RTN4IP1: variants seen among roughly 807,000 people sequenced by gnomAD.
RTN4IP1 encodes the protein reticulon 4 interacting protein 1, also known as NAD(P)H oxidoreductase RTN4IP1, mitochondrial.
RTN4IP1 carries 32 observed loss-of-function variants against 46.6 expected under a neutral mutation model. That is an observed-to-expected ratio of 0.69 (90% CI 0.52 to 0.92). The LOEUF (loss-of-function observed/expected upper bound fraction) is 0.92. Among genes scored for constraint, RTN4IP1 ranks in the 40% least tolerant of loss-of-function variants. The pLI is 0.00. For synonymous variants in RTN4IP1, 167 were observed against 161.8 expected (o/e 1.03, Z -0.24); for missense variants, 424 against 485.8 (o/e 0.87, Z 1.20).
chr6:106,624,230 A>ATT (rs1776571883), intron 1 of RTN4IP1, among the ~76,000 whole-genome samples: 1 of 151,890 alleles, frequency 6.6e-6, no homozygotes, highest in Non-Finnish European at 1.5e-5. Context: ...TAATTTTTGT[A>ATT]TTTTTAGTAG....
At chr6:106,609,766 T>C (rs919548542) in intron 4 of RTN4IP1, among the ~76,000 whole-genome samples, 3 of 152,230 alleles carry the variant, frequency 2.0e-5, no homozygotes, top group Non-Finnish European at 4.4e-5. Context: ...TCAGTTCATC[T>C]CTTCCCTATA....
rs1034081008 is a variant in RTN4IP1 at position 106,621,487 on chromosome 6, C to T, written c.433G>A (p.Ala145Thr). 1.9e-6 allele frequency: 3 copies of T among 1,613,588 alleles called. No individual in the cohort carries two copies. The African/African-American group carries it at 4.0e-5, about 22-fold the overall frequency. Residue 145 changes from alanine to threonine, a missense_variant, in exon 3 of 9, where the codon GCT (alanine) becomes ACT (threonine). Ala to Thr is a moderately conservative substitution (Grantham distance 58). Coordinates refer to ENST00000369063, the MANE Select transcript of RTN4IP1 (RefSeq NM_032730.5). ...KYFKPGDEVW[A>T]AVPPWKQGTL... ...CCTTGTTTCCAAGGAGGAACTGCAG[C>T]CCAGACCTGAAACACACACAGACAG...
chr6:106,622,821 A>G lies in RTN4IP1; in HGVS notation c.423T>C (p.Asp141=). The G allele has an allele frequency of 6.2e-7, 1 of 1,612,764 alleles. No individual in the cohort carries two copies. Among genetic ancestry groups the G allele is most frequent in the Non-Finnish European group, 8.5e-7 (1 of 1,179,282 alleles). The change falls in exon 2 of 9, where the codon GAT becomes GAC. Residue 141 remains aspartate (D), a synonymous_variant. Transcript: ENST00000369063. ...GLDVKYFKPG[D]EVWAAVPPWK... ...ATAGTGGCATTCCCTAACTCACCTC[A>G]TCTCCAGGCTTGAAGTATTTCACAT...
intron 4 of RTN4IP1, among the ~76,000 whole-genome samples, chr6:106,609,742 C>T (rs1036346396): frequency 2.0e-5 from 3 of 152,220 alleles, no homozygotes; most frequent in African/African-American, 7.2e-5. Context: ...AATACATCTC[C>T]GACCTCATTA....
chr6:106,579,202 C>G (rs1294585334), intron 8 of RTN4IP1, among the ~76,000 whole-genome samples: 2 of 151,250 alleles, frequency 1.3e-5, no homozygotes, highest in Admixed American at 1.3e-4. Flanking sequence ...TGCCACTGCA[C>G]TCCAGCATGG....
intron 8 of RTN4IP1, among the ~76,000 whole-genome samples, chr6:106,579,129 A>G: frequency 6.6e-6 from 1 of 151,756 alleles, no homozygotes; most frequent in East Asian, 1.9e-4. Flanking sequence ...CCAGCTACTC[A>G]GGAGGCTGAG....
At chr6:106,609,796 T>A (rs1328998951) in intron 4 of RTN4IP1, among the ~76,000 whole-genome samples, 1 of 152,212 alleles carries the variant, frequency 6.6e-6, no homozygotes, top group Non-Finnish European at 1.5e-5. Flanking sequence ...CCAAAGCAAC[T>A]TCATTCCCTC....
At chr6:106,574,619 C>T (rs1460504241) in intron 8 of RTN4IP1, among the ~76,000 whole-genome samples, 1 of 152,126 alleles carries the variant, frequency 6.6e-6, no homozygotes, top group East Asian at 1.9e-4. Context: ...TACATCAGAA[C>T]CTGTAGGGGG....
chr6:106,622,378 CG>C (rs941601227), intron 2 of RTN4IP1, among the ~76,000 whole-genome samples: 15 of 152,022 alleles, frequency 9.9e-5, no homozygotes, highest in Non-Finnish European at 2.1e-4. Flanking sequence ...CTTGGAAGGC[CG>C]GGGGTGTTGC....
chr6:106,622,547 T>C (rs1378837518), intron 2 of RTN4IP1, among the ~76,000 whole-genome samples: 1 of 152,208 alleles, frequency 6.6e-6, no homozygotes, highest in Non-Finnish European at 1.5e-5. Flanking sequence ...CATGGATGCA[T>C]GATTGCTCTC....
intron 4 of RTN4IP1, among the ~76,000 whole-genome samples, chr6:106,614,737 T>C (rs1269934136): frequency 6.6e-6 from 1 of 152,026 alleles, no homozygotes; most frequent in African/African-American, 2.4e-5. Flanking sequence ...AACTGAAAAA[T>C]GTCTTTGGGC....
intron 5 of RTN4IP1, among the ~76,000 whole-genome samples, chr6:106,599,826 T>C (rs1337787178): frequency 1.3e-5 from 2 of 150,430 alleles, no homozygotes; most frequent in Admixed American, 1.3e-4. Context: ...ATAGGAATTC[T>C]TGTGCTGTCC....
chr6:106,601,256 A>T (rs577601522), intron 5 of RTN4IP1, among the ~76,000 whole-genome samples: 51 of 152,282 alleles, frequency 3.3e-4, no homozygotes, highest in African/African-American at 1.2e-3. Flanking sequence ...TGCTAATTAA[A>T]TACTGTGCTG....
intron 4 of RTN4IP1, among the ~76,000 whole-genome samples, chr6:106,616,657 G>T (rs1158128540): frequency 1.3e-5 from 2 of 152,108 alleles, no homozygotes; most frequent in Non-Finnish European, 2.9e-5. Context: ...TAGTCAAATG[G>T]AAAATCCACT....
At chr6:106,597,691 CTTT>C (rs978214429) in intron 5 of RTN4IP1, among the ~76,000 whole-genome samples, 1 of 136,124 alleles carries the variant, frequency 7.3e-6, no homozygotes. Context: ...CATTTTGTTT[CTTT>C]TTTTTTTTTT....
At chr6:106,597,956 T>C (rs1031135938) in intron 5 of RTN4IP1, among the ~76,000 whole-genome samples, 2 of 152,196 alleles carry the variant, frequency 1.3e-5, no homozygotes, top group Non-Finnish European at 2.9e-5. Flanking sequence ...TTTGGTTTTC[T>C]GTTCTTGCGA....
chr6:106,582,110 A>T (rs1324037570), intron 8 of RTN4IP1, among the ~76,000 whole-genome samples: 1 of 152,226 alleles, frequency 6.6e-6, no homozygotes, highest in Non-Finnish European at 1.5e-5. Flanking sequence ...CTGGAACCCA[A>T]ATATTTGGGA....
At chr6:106,618,282 TA>T (rs68118253) in intron 4 of RTN4IP1, among the ~76,000 whole-genome samples, 29,182 of 151,768 alleles carry the variant, frequency 0.19, 3,233 homozygotes, top group East Asian at 0.29. Flanking sequence ...TCCTTAGTAA[TA>T]AAAAAAACTA....
At chr6:106,583,454 GA>G in intron 7 of RTN4IP1, 34 bp from the exon 8 acceptor site, 2 of 1,539,436 alleles carry the variant, frequency 1.3e-6, no homozygotes, top group Non-Finnish European at 1.8e-6. Flanking sequence ...GTCAAATACA[GA>G]AAAACATAAA....
Sources: allele counts gnomAD v4.1 joint callset (sites outside exome capture counted in the v4.1 genomes callset), GRCh38; gene constraint gnomAD v4.1.1; transcripts MANE v1.5; gene names NCBI Gene and HGNC (gene_info 2026-07-23, HGNC 2026-07-21).